The following GABBR2 variants were observed in gnomAD, a reference collection of about 807,000 sequenced individuals.
GABBR2 encodes gamma-aminobutyric acid type B receptor subunit 2.
Under a neutral mutation model 105.6 loss-of-function variants are expected in GABBR2, and 23 were observed. The observed-to-expected ratio is 0.22, with a 90% confidence interval of 0.16 to 0.31. The LOEUF is 0.31. GABBR2 is among the 10% of genes least tolerant of loss of function. The pLI is 1.00. For synonymous variants in GABBR2, 478 were observed against 499.7 expected (o/e 0.96, Z 0.58); for missense variants, 734 against 1,245.5 (o/e 0.59, Z 6.18).
chr9:98,356,103 CAG>C (rs932569213), intron 13 of GABBR2, among the ~76,000 whole-genome samples: 6 of 151,910 alleles, frequency 3.9e-5, no homozygotes, highest in Admixed American at 2.0e-4. Flanking sequence ...TAAAACATAA[CAG>C]AAAAAAATCA....
chr9:98,660,158 G>A (rs1930134), intron 1 of GABBR2, among the ~76,000 whole-genome samples: 123,763 of 152,066 alleles, frequency 0.81, 50,458 homozygotes, highest in Middle Eastern at 0.91. Flanking sequence ...CTTTCTCCTC[G>A]AACATTTAGG....
intron 17 of GABBR2, among the ~76,000 whole-genome samples, chr9:98,294,560 C>T (rs1830351491): frequency 6.6e-6 from 1 of 151,844 alleles, no homozygotes; most frequent in East Asian, 1.9e-4. Context: ...CTCACTGCAA[C>T]TTCCACCTCC....
At chr9:98,390,066 A>G (rs1203931630) in intron 9 of GABBR2, among the ~76,000 whole-genome samples, 1 of 152,106 alleles carries the variant, frequency 6.6e-6, no homozygotes, top group Non-Finnish European at 1.5e-5. Flanking sequence ...GCAAGTTCAA[A>G]TGTGTTTAGA....
intron 1 of GABBR2, among the ~76,000 whole-genome samples, chr9:98,612,947 G>A (rs958689468): frequency 6.6e-6 from 1 of 152,184 alleles, no homozygotes; most frequent in Non-Finnish European, 1.5e-5. Flanking sequence ...GGTAGAGAAG[G>A]GCTTCCTCTG....
intron 3 of GABBR2, among the ~76,000 whole-genome samples, chr9:98,540,742 CTTG>C (rs1828279120): frequency 6.6e-6 from 1 of 152,132 alleles, no homozygotes; most frequent in Admixed American, 6.5e-5. Flanking sequence ...CTTGGTTTGT[CTTG>C]TGTTTTTGGA....
intron 13 of GABBR2, among the ~76,000 whole-genome samples, chr9:98,328,777 C>G (rs1457993533): frequency 6.6e-6 from 1 of 152,162 alleles, no homozygotes; most frequent in Non-Finnish European, 1.5e-5. Flanking sequence ...TGACCCTCTC[C>G]CTGGACAATA....
intron 8 of GABBR2, among the ~76,000 whole-genome samples, chr9:98,398,377 C>T (rs1051599637): frequency 7.2e-5 from 11 of 151,958 alleles, no homozygotes; most frequent in African/African-American, 2.7e-4. Flanking sequence ...GACAGGAGCC[C>T]CCAAGCTGGT....
chr9:98,372,658 T>C (rs1327295548), intron 11 of GABBR2, among the ~76,000 whole-genome samples: 4 of 152,202 alleles, frequency 2.6e-5, no homozygotes, highest in Non-Finnish European at 4.4e-5. Flanking sequence ...CCCCTTCTAG[T>C]TCAGGGCTGG....
chr9:98,370,411 A>T (rs1211688837), intron 12 of GABBR2, among the ~76,000 whole-genome samples: 1 of 152,172 alleles, frequency 6.6e-6, no homozygotes, highest in Non-Finnish European at 1.5e-5. Context: ...CAGGCCCAGT[A>T]AGCCCAATGC....
At chr9:98,476,924 C>T (rs144504148) in intron 5 of GABBR2, among the ~76,000 whole-genome samples, 1 of 152,226 alleles carries the variant, frequency 6.6e-6, no homozygotes, top group East Asian at 1.9e-4. Context: ...GAGTGAGGCT[C>T]TCCTGCAAGG....
chr9:98,635,089 A>G (rs748445926), intron 1 of GABBR2, among the ~76,000 whole-genome samples: 18 of 152,244 alleles, frequency 1.2e-4, no homozygotes, highest in Non-Finnish European at 2.5e-4. Flanking sequence ...TTTAAGGAAT[A>G]ATGTAACTTA....
In GABBR2 at chr9:98,682,119, C is replaced by T. The variant is rs557988287; in HGVS notation, c.321+26298G>A. 8.6e-5 allele frequency among the ~76,000 whole-genome samples: 13 copies of T among 151,614 alleles called. No homozygotes were observed. The East Asian group carries it at 1.6e-3, about 18-fold the overall frequency. On this transcript the variant is annotated intron_variant, in intron 1 of 18. Transcript: ENST00000259455. ...GCCCGCACCTGTAGTCCCAGCTACT[C>T]GGAAGGCTGAGGCAGGAGAATCACT...
At position 98,686,554 on chromosome 9, in the gene GABBR2, C is replaced by T. The variant is rs192000121; in HGVS notation, c.321+21863G>A. ...GGGATTATAGGCATGCACCACCACA[C>T]CCAGCTAAATTTTGTATTTTTGGTA... On this transcript the variant is annotated intron_variant, in intron 1 of 18. Coordinates refer to ENST00000259455, the MANE Select transcript of GABBR2 (RefSeq NM_005458.8). Among the ~76,000 whole-genome samples, 202 of 152,144 alleles carry T rather than the reference C, an allele frequency of 1.3e-3. 1 individual carries two copies. The highest frequency in any genetic ancestry group is 4.7e-3 in the African/African-American group (197 of 41,486).
intron 1 of GABBR2, among the ~76,000 whole-genome samples, chr9:98,691,855 A>G (rs1027263618): frequency 6.6e-6 from 1 of 152,230 alleles, no homozygotes; most frequent in African/African-American, 2.4e-5. Flanking sequence ...CCACCCTGTG[A>G]GAATTCAATT....
intron 1 of GABBR2, among the ~76,000 whole-genome samples, chr9:98,618,762 C>T (rs547166420): frequency 6.6e-6 from 1 of 152,248 alleles, no homozygotes; most frequent in African/African-American, 2.4e-5. Flanking sequence ...GCTAAGTGCT[C>T]CTCACTCCCT....
At chr9:98,512,784 T>C (rs1470470302) in intron 3 of GABBR2, among the ~76,000 whole-genome samples, 2 of 152,224 alleles carry the variant, frequency 1.3e-5, no homozygotes, top group Admixed American at 6.5e-5. Context: ...GAACATTCCA[T>C]GCTCATGGGT....
intron 5 of GABBR2, among the ~76,000 whole-genome samples, chr9:98,473,744 A>T (rs909650064): frequency 6.6e-6 from 1 of 152,190 alleles, no homozygotes; most frequent in Non-Finnish European, 1.5e-5. Flanking sequence ...ATAAGGAGAA[A>T]ACATACCAGA....
intron 1 of GABBR2, among the ~76,000 whole-genome samples, chr9:98,685,227 T>A (rs1830605740): frequency 6.6e-6 from 1 of 152,200 alleles, no homozygotes; most frequent in Non-Finnish European, 1.5e-5. Context: ...TTTTTCAGCT[T>A]TTGGACTTTG....
chr9:98,506,239 G>A (rs960214936), intron 3 of GABBR2, among the ~76,000 whole-genome samples: 2 of 152,140 alleles, frequency 1.3e-5, no homozygotes, highest in South Asian at 2.1e-4. Context: ...GAGTTGACTT[G>A]CAAAGAGATG....
Sources: gnomAD v4.1 joint callset for allele counts (sites outside exome capture counted in the v4.1 genomes callset) on GRCh38, gnomAD v4.1.1 for gene constraint, MANE v1.5 for transcripts, NCBI Gene and HGNC (gene_info 2026-07-23, HGNC 2026-07-21) for gene names.